The following PWWP3A variants were observed in gnomAD, a reference collection of about 807,000 sequenced individuals.
PWWP3A encodes the protein PWWP domain containing 3A, DNA repair factor, also known as PWWP domain-containing DNA repair factor 3A.
Under a neutral mutation model 79.0 loss-of-function variants are expected in PWWP3A, and 53 were observed. That is an observed-to-expected ratio of 0.67 (90% CI 0.54 to 0.84). The LOEUF (loss-of-function observed/expected upper bound fraction) is 0.84. PWWP3A is among the 40% of genes least tolerant of loss of function. The pLI is 0.00. For missense variants in PWWP3A, 973 were observed against 948.0 expected (o/e 1.03, Z -0.35); for synonymous variants, 443 against 394.4 (o/e 1.12, Z -1.46).
chr19:1,360,645 G>A lies in PWWP3A; in HGVS notation c.724G>A (p.Asp242Asn), dbSNP rs113767687. ...SSLSEDDTER[D>N]MGSKGGSWAA... Reference sequence around the variant, plus strand: ...CCTTTCAGAGGACGACACGGAGAGAGACATGGGGAGCAAAGGAGGCAGCTG... The same window carrying A: ...CCTTTCAGAGGACGACACGGAGAGAAACATGGGGAGCAAAGGAGGCAGCTG... The change falls in exon 5 of 14, where the codon GAC becomes AAC. Residue 242 changes from aspartate (D) to asparagine (N), a missense_variant. Physicochemically the swap from Asp to Asn is conservative, Grantham distance 23. Coordinates refer to ENST00000591337, the MANE Select transcript of PWWP3A (RefSeq NM_001369789.1). The surrounding 1 kb of genome is among the most constrained non-coding windows in gnomAD (Gnocchi z 4.4). 1 of 1,613,436 alleles carries A rather than the reference G, an allele frequency of 6.2e-7. No individual in the cohort carries two copies. The highest frequency in any genetic ancestry group is 1.3e-5 in the African/African-American group (1 of 75,036).
chr19:1,360,023 T>G lies in PWWP3A; in HGVS notation c.215-113T>G. 9.4e-7 allele frequency: 1 copy of G among 1,065,940 alleles called. No individual in the cohort carries two copies. The allele number at this position is 1,065,940 out of a possible 1,614,324, so 66.0% of individuals were successfully genotyped here. On this transcript the variant is annotated intron_variant, in intron 4 of 13. Coordinates refer to ENST00000591337, the MANE Select transcript of PWWP3A (RefSeq NM_001369789.1). The surrounding 1 kb of genome is among the most constrained non-coding windows in gnomAD (Gnocchi z 4.4). ...AATGTTAGTCCTCCCCTTCAGTGAT[T>G]TAGGTATGAAACTAGCCGTCAGAAT... is the stretch of plus-strand genomic sequence containing the variant.
rs1003657193 is a variant in PWWP3A, at chr19:1,358,440, A to G, written c.190A>G (p.Ile64Val). 5 of 1,614,160 alleles carry G rather than the reference A, an allele frequency of 3.1e-6. No individual in the cohort carries two copies. Among genetic ancestry groups the G allele is most frequent in the Non-Finnish European group, 3.4e-6 (4 of 1,180,012 alleles). ...TEVEILEKSQIEAIASSLASQ... is the reference protein window; with the variant it reads ...TEVEILEKSQVEAIASSLASQ... Reference sequence around the variant, plus strand: ...AGTTGAGATCCTAGAGAAGTCTCAAATTGAAGCCATTGCTTCCTCGTTAGG... The same window carrying G: ...AGTTGAGATCCTAGAGAAGTCTCAAGTTGAAGCCATTGCTTCCTCGTTAGG... Residue 64 changes from isoleucine (I) to valine (V), a missense_variant, in exon 4 of 14, where the codon ATT (isoleucine) becomes GTT (valine). Coordinates refer to ENST00000591337, the MANE Select transcript of PWWP3A (RefSeq NM_001369789.1).
At chr19:1,363,816 G>A (rs976217219) in intron 6 of PWWP3A, among the ~76,000 whole-genome samples, 16 of 152,154 alleles carry the variant, frequency 1.1e-4, no homozygotes, top group African/African-American at 3.4e-4. Context: ...CTCTGGTCAC[G>A]TTGGTTACTT....
In PWWP3A at chr19:1,365,042, C is replaced by A. The variant is rs774086054; in HGVS notation, c.1284+463C>A. Among the ~76,000 whole-genome samples the A allele has an allele frequency of 2.6e-4, 39 of 152,254 alleles. 1 individual carries two copies. Among genetic ancestry groups the A allele is most frequent in the Non-Finnish European group, 1.3e-4 (9 of 68,026 alleles). On this transcript the variant is annotated intron_variant, in intron 7 of 13. Coordinates refer to ENST00000591337, the MANE Select transcript of PWWP3A (RefSeq NM_001369789.1). ...GGCTGAGGCAGGAGAATGGCGTGAA[C>A]CCGAGAGGTAGAGGTTGCAGTGAGC...
chr19:1,376,122 C>CT (rs764962400), intron 13 of PWWP3A, among the ~76,000 whole-genome samples: 5,181 of 107,628 alleles, frequency 0.048, 433 homozygotes, highest in African/African-American at 0.16. Flanking sequence ...CTGTCATACT[C>CT]TTTTTTTTTT....
chr19:1,371,994 C>G (rs374427932), intron 12 of PWWP3A: 1 of 153,442 alleles, frequency 6.5e-6, no homozygotes, highest in Non-Finnish European at 1.4e-5. Context: ...TTAGTAGAGA[C>G]GGGGTTTCAC....
At chr19:1,370,147 T>C (rs745820573) in intron 11 of PWWP3A, among the ~76,000 whole-genome samples, 8 of 152,120 alleles carry the variant, frequency 5.3e-5, no homozygotes, top group Non-Finnish European at 8.8e-5. Flanking sequence ...GGTGGGAGAA[T>C]GGCTTGAGCC....
intron 8 of PWWP3A, among the ~76,000 whole-genome samples, 191 bp downstream of exon 8, chr19:1,366,572 T>C (rs35115215): frequency 0.44 from 66,138 of 152,008 alleles, 14,649 homozygotes; most frequent in Middle Eastern, 0.56. Context: ...GATGGGTGAG[T>C]CAGACAGAGG....
rs931864929 is a variant in PWWP3A, at chr19:1,368,296, C to T, written c.1423-969C>T. On this transcript the variant is annotated intron_variant, in intron 9 of 13. Transcript: ENST00000591337. This position sits in a 1 kb window ranked among gnomAD's most constrained non-coding sequence, Gnocchi z 4.7. Reference sequence around the variant, plus strand: ...AGAGCAGGAAGTTCCGTGCCTTAAACGCAGAAGGGCTGCCGTTTATATCAA... The same window carrying T: ...AGAGCAGGAAGTTCCGTGCCTTAAATGCAGAAGGGCTGCCGTTTATATCAA... Among the ~76,000 whole-genome samples the T allele has an allele frequency of 5.3e-5, 8 of 152,098 alleles. No individual in the cohort carries two copies. Among genetic ancestry groups the T allele is most frequent in the Admixed American group, 2.0e-4 (3 of 15,270 alleles).
chr19:1,365,604 C>T (rs374185697), intron 7 of PWWP3A, among the ~76,000 whole-genome samples: 131 of 152,378 alleles, frequency 8.6e-4, no homozygotes, highest in African/African-American at 2.8e-3. Flanking sequence ...CTCCTTGTGT[C>T]GCCTACTGGC....
rs1312274921 is a variant in PWWP3A at position 1,360,996 on chromosome 19, T to A, written c.1075T>A (p.Cys359Ser). The A allele has an allele frequency of 1.4e-6, 2 of 1,440,670 alleles. No individual in the cohort carries two copies. The highest frequency in any genetic ancestry group is 1.8e-6 in the Non-Finnish European group (2 of 1,095,408). 89.2% of individuals were successfully genotyped at this position (1,440,670 alleles called of 1,614,324 possible). Residue 359 changes from cysteine (C) to serine (S), a missense_variant, in exon 5 of 14, where the codon TGT (cysteine) becomes AGT (serine). By Grantham distance (112) the Cys-to-Ser change is moderately radical. Coordinates refer to ENST00000591337, the MANE Select transcript of PWWP3A (RefSeq NM_001369789.1). The surrounding 1 kb of genome is among the most constrained non-coding windows in gnomAD (Gnocchi z 4.4). ...CCACGCCTCTGCGGATGCAACCAGA[T>A]GTCTTCCTTGCCCGGATTCCCAGAA... ...PSHASADATR[C>S]LPCPDSQKLE...
At chr19:1,365,358 C>T (rs925919442) in intron 7 of PWWP3A, among the ~76,000 whole-genome samples, 7 of 152,264 alleles carry the variant, frequency 4.6e-5, no homozygotes, top group African/African-American at 1.7e-4. Flanking sequence ...GGGTGCTGTC[C>T]TGGCCTTCGC....
At chr19:1,370,495 A>G in intron 11 of PWWP3A, 147 bp from the exon 12 acceptor site, 1 of 670,450 alleles carries the variant, frequency 1.5e-6, no homozygotes, top group Non-Finnish European at 2.3e-6. Flanking sequence ...AGGAGCGTGA[A>G]TGCTCCACTC....
chr19:1,355,627 C>G (rs1306586152), intron 1 of PWWP3A, among the ~76,000 whole-genome samples: 3 of 147,758 alleles, frequency 2.0e-5, no homozygotes, highest in Non-Finnish European at 4.5e-5. Context: ...TTCCTGCAAG[C>G]CGCAACCCTT....
chr19:1,359,065 T>G (rs1255805033), intron 4 of PWWP3A: 1 of 251,442 alleles, frequency 4.0e-6, no homozygotes, highest in African/African-American at 2.2e-5. Flanking sequence ...ACCCACCTCC[T>G]TTGCACACTG....
At chr19:1,367,625 C>G (rs1048680851) in intron 9 of PWWP3A, among the ~76,000 whole-genome samples, 2 of 152,248 alleles carry the variant, frequency 1.3e-5, no homozygotes, top group African/African-American at 4.8e-5. Context: ...GTCCCTAGCT[C>G]AGCGTCGGGA....
chr19:1,367,870 T>A (rs940340332), intron 9 of PWWP3A, among the ~76,000 whole-genome samples: 2 of 152,156 alleles, frequency 1.3e-5, no homozygotes, highest in African/African-American at 2.4e-5. Context: ...TTTTTACTCC[T>A]CTGGAAAAAA....
Position 1,367,055 on chromosome 19 carries a change from G to GA in PWWP3A, c.1362-105_1362-104insA, listed in dbSNP as rs2082144751. 9.8e-6 allele frequency: 8 copies of GA among 819,924 alleles called. No homozygotes were observed. The Admixed American group carries it at 2.2e-4, about 22-fold the overall frequency. The allele number at this position is 819,924 out of a possible 1,614,324, so 50.8% of individuals were successfully genotyped here. On this transcript the variant is annotated intron_variant, in intron 8 of 13. Coordinates refer to ENST00000591337, the MANE Select transcript of PWWP3A (RefSeq NM_001369789.1). ...CTTCCATAAATAAGCTGGGGCTGGT[G>GA]GGGCCTCCAGCGGCCTCCACTGATC... is the stretch of plus-strand genomic sequence containing the variant.
chr19:1,364,280 C>G (rs1810233887), intron 6 of PWWP3A: 2 of 672,030 alleles, frequency 3.0e-6, no homozygotes, highest in Non-Finnish European at 5.5e-6. Flanking sequence ...GTGCAGCACC[C>G]CACTCAGCTG....
Sources: gnomAD v4.1 joint callset for allele counts (sites outside exome capture counted in the v4.1 genomes callset) on GRCh38, gnomAD v4.1.1 for gene constraint, Gnocchi (gnomAD v3.1) non-coding constraint, MANE v1.5 for transcripts, NCBI Gene and HGNC (gene_info 2026-07-23, HGNC 2026-07-21) for gene names.